The following EXOC6B variants were observed in gnomAD, a reference collection of about 807,000 sequenced individuals.
EXOC6B encodes the protein SEC15 homolog B.
EXOC6B carries 54 observed loss-of-function variants against 113.5 expected under a neutral mutation model. That is an observed-to-expected ratio of 0.48 (90% CI 0.38 to 0.60). The LOEUF is 0.60. Ranked by LOEUF, EXOC6B falls within the 20% of genes least tolerant of loss-of-function variation. EXOC6B has a pLI of 0.00. For missense variants in EXOC6B, 797 were observed against 977.5 expected, an observed-to-expected ratio of 0.82 and a Z score of 2.46; for synonymous variants, 357 against 339.0, an observed-to-expected ratio of 1.05 and a Z score of -0.58.
rs183858021 is a variant in EXOC6B, at chr2:72,783,463, T to C, written c.114-41994A>G. 4.1e-3 allele frequency among the ~76,000 whole-genome samples: 619 copies of C among 151,762 alleles called. 3 individuals carry two copies. Among genetic ancestry groups the C allele is most frequent in the Non-Finnish European group, 6.6e-3 (447 of 67,908 alleles). On this transcript the variant is annotated intron_variant, in intron 1 of 21. Transcript: ENST00000272427. The stretch of plus-strand genomic sequence containing the variant: ...CCTCAGCCTCCTGAGTAGCTGGGAT[T>C]ACAGGCTGGGCCACCATGCCCAGCT...
In EXOC6B at chr2:72,393,239, G is replaced by A. The variant is rs536653278; in HGVS notation, c.1981-13369C>T. ...CTCCCAAGTAGCTGGGACTACAGGC[G>A]CATACCACCACGCCCAGCTAATTTT... On this transcript the variant is annotated intron_variant, in intron 18 of 21. Coordinates refer to ENST00000272427, the MANE Select transcript of EXOC6B (RefSeq NM_015189.3). Among the ~76,000 whole-genome samples, 414 of 151,838 alleles carry A rather than the reference G, an allele frequency of 2.7e-3. 2 individuals are homozygous for A. Among genetic ancestry groups the A allele is most frequent in the African/African-American group, 9.3e-3 (383 of 41,402 alleles).
chr2:72,540,002 G>A (rs1212844247), intron 8 of EXOC6B, among the ~76,000 whole-genome samples: 2 of 131,168 alleles, frequency 1.5e-5, no homozygotes, highest in African/African-American at 5.9e-5. Context: ...CTGTGTCCAC[G>A]TGTTCTCATT....
intron 18 of EXOC6B, among the ~76,000 whole-genome samples, chr2:72,450,183 A>T (rs760781096): frequency 6.6e-6 from 1 of 152,086 alleles, no homozygotes; most frequent in Non-Finnish European, 1.5e-5. Flanking sequence ...GAATTCCCAT[A>T]CCCTATTTAT....
intron 6 of EXOC6B, among the ~76,000 whole-genome samples, chr2:72,625,278 A>AATAT (rs778086323): frequency 6.6e-6 from 1 of 150,694 alleles, no homozygotes; most frequent in East Asian, 1.9e-4. Context: ...TATACCTAAA[A>AATAT]ATATATATAT....
At chr2:72,187,831 C>T (rs1422108033) in intron 20 of EXOC6B, among the ~76,000 whole-genome samples, 2 of 152,176 alleles carry the variant, frequency 1.3e-5, no homozygotes, top group Non-Finnish European at 2.9e-5. Flanking sequence ...GGACCTGCCC[C>T]ATTCTGCCCA....
Position 72,559,668 on chromosome 2 carries a change from T to G in EXOC6B, c.847-147A>C, listed in dbSNP as rs560421907. 4.9e-6 allele frequency: 3 copies of G among 611,764 alleles called. No homozygotes were observed. In the East Asian group the frequency reaches 8.9e-5, roughly 18 times the overall value. 37.9% of individuals were successfully genotyped at this position (611,764 alleles called of 1,614,324 possible). A position where few individuals can be genotyped will look rare whatever the true frequency, so the allele number is the denominator to read the frequency against. On this transcript the variant is annotated intron_variant, in intron 7 of 21. Coordinates refer to ENST00000272427, the MANE Select transcript of EXOC6B (RefSeq NM_015189.3). ...AATACAAAACAAACAAAAAAATAGG[T>G]TTCCAAAGACCTAGTTCTTATGTTT...
intron 6 of EXOC6B, among the ~76,000 whole-genome samples, chr2:72,684,684 C>A (rs958457992): frequency 3.3e-5 from 5 of 152,142 alleles, no homozygotes; most frequent in Admixed American, 6.5e-5. Flanking sequence ...TCAAAATTAT[C>A]ATGCTGAGTA....
intron 11 of EXOC6B, among the ~76,000 whole-genome samples, chr2:72,501,259 A>G (rs1700306832): frequency 6.6e-6 from 1 of 152,174 alleles, no homozygotes; most frequent in Non-Finnish European, 1.5e-5. Context: ...TGAGTAGCCC[A>G]GTGCCCTCCC....
chr2:72,708,328 T>A (rs909454837), intron 6 of EXOC6B, among the ~76,000 whole-genome samples: 1 of 152,216 alleles, frequency 6.6e-6, no homozygotes, highest in African/African-American at 2.4e-5. Context: ...CCTTCATATA[T>A]TCCAGGATGA....
At chr2:72,288,352 C>G (rs2104699895) in intron 20 of EXOC6B, among the ~76,000 whole-genome samples, 1 of 151,804 alleles carries the variant, frequency 6.6e-6, no homozygotes, top group Middle Eastern at 3.4e-3. Context: ...AATGAGTACA[C>G]TAAAAGATAT....
intron 1 of EXOC6B, among the ~76,000 whole-genome samples, chr2:72,806,972 T>C (rs137936340): frequency 7.4e-4 from 113 of 152,340 alleles, no homozygotes; most frequent in African/African-American, 2.6e-3. Flanking sequence ...TTCTATAGGT[T>C]GTCTGTTTTC....
In EXOC6B at chr2:72,492,331, A is replaced by G. The variant is rs199830469; in HGVS notation, c.1652T>C (p.Ile551Thr). ...GAGCAGGTTTACCTCAGTAAGCCCA[A>G]TATTCTTCCTTTTAATTACATTCTG... ...SLQNVIKRKN[I>T]GLTELVQIII... The change falls in exon 16 of 22, where the codon ATT becomes ACT. Residue 551 changes from isoleucine (I) to threonine (T), a missense_variant. Physicochemically the swap from Ile to Thr is moderately conservative, Grantham distance 89. Transcript: ENST00000272427. 110 of 1,611,306 alleles carry G rather than the reference A, an allele frequency of 6.8e-5. No homozygotes were observed. The highest frequency in any genetic ancestry group is 9.2e-5 in the Non-Finnish European group (108 of 1,177,724).
intron 20 of EXOC6B, among the ~76,000 whole-genome samples, chr2:72,292,203 G>C (rs1056605714): frequency 6.7e-6 from 1 of 149,494 alleles, no homozygotes; most frequent in Non-Finnish European, 1.5e-5. Flanking sequence ...GTGTGTGTGT[G>C]TGTGTGTGTA....
At chr2:72,668,310 T>C (rs188467883) in intron 6 of EXOC6B, among the ~76,000 whole-genome samples, 21 of 152,272 alleles carry the variant, frequency 1.4e-4, no homozygotes, top group Non-Finnish European at 2.8e-4. Context: ...TTATACACTA[T>C]AGGTGGAAAT....
At chr2:72,632,688 T>C (rs986341574) in intron 6 of EXOC6B, among the ~76,000 whole-genome samples, 1 of 151,064 alleles carries the variant, frequency 6.6e-6, no homozygotes, top group African/African-American at 2.4e-5. Flanking sequence ...CTTCTCTCAA[T>C]TTTTTTTTAT....
At chr2:72,692,663 T>C (rs951145584) in intron 6 of EXOC6B, among the ~76,000 whole-genome samples, 2 of 152,182 alleles carry the variant, frequency 1.3e-5, no homozygotes, top group Non-Finnish European at 2.9e-5. Context: ...TTTCACTATA[T>C]TCTTTATCAA....
chr2:72,254,263 C>A (rs918357022), intron 20 of EXOC6B, among the ~76,000 whole-genome samples: 10 of 152,134 alleles, frequency 6.6e-5, no homozygotes, highest in Non-Finnish European at 1.5e-4. Context: ...TGGGTAGACC[C>A]CTGAACCCAA....
chr2:72,729,519 T>G (rs1180578786), intron 5 of EXOC6B, among the ~76,000 whole-genome samples: 4 of 151,630 alleles, frequency 2.6e-5, no homozygotes, highest in African/African-American at 4.8e-5. Flanking sequence ...CGAGCTATCA[T>G]GTGAGCCAAT....
intron 18 of EXOC6B, among the ~76,000 whole-genome samples, chr2:72,408,870 T>C (rs1693975730): frequency 6.6e-6 from 1 of 152,110 alleles, no homozygotes; most frequent in Non-Finnish European, 1.5e-5. Flanking sequence ...ACAAATGGGA[T>C]CTCATTAAAC....
Sources: gnomAD v4.1 joint callset for allele counts (sites outside exome capture counted in the v4.1 genomes callset) on GRCh38, gnomAD v4.1.1 for gene constraint, MANE v1.5 for transcripts, NCBI Gene and HGNC (gene_info 2026-07-23, HGNC 2026-07-21) for gene names.